RDX: variants seen among roughly 807,000 people sequenced by gnomAD.
RDX encodes radixin.
A neutral mutation model predicts 83.7 loss-of-function variants in RDX; 32 were observed. The observed-to-expected ratio is 0.38, with a 90% CI of 0.29 to 0.51. The LOEUF is 0.51. Among genes scored for constraint, RDX ranks in the 20% least tolerant of loss-of-function variants. The pLI is 0.87. For missense variants in RDX, 600 were observed against 689.9 expected, an observed-to-expected ratio of 0.87 and a Z score of 1.46; for synonymous variants, 229 against 222.7, an observed-to-expected ratio of 1.03 and a Z score of -0.25.
intron 10 of RDX, among the ~76,000 whole-genome samples, chr11:110,239,841 T>TTAAA (rs1355828056): frequency 7.4e-6 from 1 of 134,610 alleles, no homozygotes. Flanking sequence ...ACTCTGTTTT[T>TTAAA]AAAAAAAAAA....
At chr11:110,253,807 GATA>G in intron 9 of RDX, 136 bp downstream of exon 9, 1 of 758,312 alleles carries the variant, frequency 1.3e-6, no homozygotes, top group South Asian at 1.6e-5. Flanking sequence ...AGGACAGAGT[GATA>G]ATACTGTCTT....
At chr11:110,273,287 T>A (rs913985995) in intron 2 of RDX, among the ~76,000 whole-genome samples, 1 of 152,244 alleles carries the variant, frequency 6.6e-6, no homozygotes, top group Non-Finnish European at 1.5e-5. Context: ...TTGAATGTGA[T>A]TCACTATCCC....
Position 110,231,782 on chromosome 11 carries a change from G to T in RDX, c.*87C>A. On this transcript the variant is annotated 3_prime_UTR_variant, in exon 14 of 14. Transcript: ENST00000645495. ...ACTGGTGTAAGTGCTTTGGCAAGGT[G>T]GGATGCATTCCATCATATCTGCAAA... 1 of 1,437,862 alleles carries T rather than the reference G, an allele frequency of 7.0e-7. No individual in the cohort carries two copies. The highest frequency in any genetic ancestry group is 9.7e-7 in the Non-Finnish European group (1 of 1,027,900). The allele number at this position is 1,437,862 out of a possible 1,614,324, so 89.1% of individuals were successfully genotyped here.
At chr11:110,206,505 AAC>A (rs1431658080) in intron 14 of RDX, among the ~76,000 whole-genome samples, 1 of 152,338 alleles carries the variant, frequency 6.6e-6, no homozygotes, top group East Asian at 1.9e-4. Flanking sequence ...TGTAGATACA[AAC>A]ACAGATAGTA....
intron 5 of RDX, among the ~76,000 whole-genome samples, chr11:110,259,239 A>C (rs1859698571): frequency 6.6e-6 from 1 of 152,124 alleles, no homozygotes; most frequent in South Asian, 2.1e-4. Flanking sequence ...CGCCCAGCCA[A>C]ATACAAACAT....
chr11:110,279,697 T>C lies in RDX; in HGVS notation c.-5A>G, dbSNP rs1180797763. On this transcript the variant is annotated 5_prime_UTR_variant, in exon 2 of 14. Coordinates refer to ENST00000645495, the MANE Select transcript of RDX (RefSeq NM_002906.4). ...TACACTTACTGGTTTCGGCATTTTCTTTCTCTTTTTGTTACCTTCTTTAAA... is the reference window on the plus strand; with the variant it reads ...TACACTTACTGGTTTCGGCATTTTCCTTCTCTTTTTGTTACCTTCTTTAAA... The C allele has an allele frequency of 4.6e-6, 7 of 1,527,074 alleles. No homozygotes were observed. The highest frequency in any genetic ancestry group is 1.7e-5 in the Admixed American group (1 of 59,812). 94.6% of individuals were successfully genotyped at this position (1,527,074 alleles called of 1,614,324 possible). A position where few individuals can be genotyped will look rare whatever the true frequency, so the allele number is the denominator to read the frequency against.
intron 5 of RDX, 130 bp from the exon 6 acceptor site, chr11:110,258,319 T>C: frequency 3.1e-6 from 2 of 644,686 alleles, no homozygotes; most frequent in South Asian, 2.0e-5. Flanking sequence ...ATGATGAAAT[T>C]GCATAGAACT....
chr11:110,207,193 C>T (rs997090028), intron 14 of RDX, among the ~76,000 whole-genome samples: 2 of 152,062 alleles, frequency 1.3e-5, no homozygotes, highest in African/African-American at 2.4e-5. Flanking sequence ...AGGCTGGTCT[C>T]GAACTCCTGG....
At chr11:110,186,217 G>C (rs1390884847) in intron 15 of RDX, among the ~76,000 whole-genome samples, 1 of 152,268 alleles carries the variant, frequency 6.6e-6, no homozygotes, top group East Asian at 1.9e-4. Context: ...TGAGACTTCA[G>C]CTTCCCATCA....
At chr11:110,180,675 C>T (rs1862869233) in intron 15 of RDX, among the ~76,000 whole-genome samples, 1 of 147,550 alleles carries the variant, frequency 6.8e-6, no homozygotes, top group South Asian at 2.1e-4. Context: ...TTTTTTGAGA[C>T]AGTCTCGCTC....
intron 9 of RDX, among the ~76,000 whole-genome samples, chr11:110,249,360 C>T (rs769382188): frequency 2.0e-5 from 3 of 152,108 alleles, no homozygotes; most frequent in Non-Finnish European, 2.9e-5. Context: ...AAAAGTTTTG[C>T]TATCAAAAAT....
At chr11:110,243,089 C>T (rs774203769) in intron 10 of RDX, among the ~76,000 whole-genome samples, 2 of 152,078 alleles carry the variant, frequency 1.3e-5, no homozygotes, top group African/African-American at 2.4e-5. Flanking sequence ...CAAATTACTC[C>T]AAAATCCTAA....
intron 2 of RDX, chr11:110,273,150 C>T: frequency 2.2e-6 from 1 of 451,864 alleles, no homozygotes; most frequent in Non-Finnish European, 4.4e-6. Flanking sequence ...AGTTTGAGGG[C>T]TGCCGTGAGC....
At chr11:110,212,320 A>C (rs1863867608) in intron 14 of RDX, among the ~76,000 whole-genome samples, 1 of 148,252 alleles carries the variant, frequency 6.7e-6, no homozygotes, top group Admixed American at 6.7e-5. Context: ...CAATAACAGG[A>C]GCTGAAATTG....
chr11:110,192,931 G>A (rs1031264199), intron 15 of RDX, among the ~76,000 whole-genome samples: 13 of 152,096 alleles, frequency 8.5e-5, no homozygotes, highest in South Asian at 4.1e-4. Context: ...ATATAAATTA[G>A]TTCAGCCACT....
At chr11:110,265,553 A>G (rs1003232707) in intron 3 of RDX, among the ~76,000 whole-genome samples, 1 of 151,632 alleles carries the variant, frequency 6.6e-6, no homozygotes, top group Admixed American at 6.6e-5. Flanking sequence ...ATTTCTATTT[A>G]CCCCCACAAG....
intron 9 of RDX, among the ~76,000 whole-genome samples, chr11:110,253,494 A>C (rs891500497): frequency 6.6e-6 from 1 of 152,046 alleles, no homozygotes; most frequent in Admixed American, 6.6e-5. Context: ...TCTAAGAGAA[A>C]CAGAGTTAAA....
At chr11:110,207,987 ATTTTTTT>A (rs10709047) in intron 14 of RDX, among the ~76,000 whole-genome samples, 1 of 147,464 alleles carries the variant, frequency 6.8e-6, no homozygotes, top group African/African-American at 2.5e-5. Flanking sequence ...GTTGAATCAG[ATTTTTTT>A]TTTTTTTTTA....
intron 15 of RDX, chr11:110,195,424 C>T (rs1229175319): frequency 6.6e-6 from 1 of 152,230 alleles, no homozygotes; most frequent in East Asian, 1.9e-4. Flanking sequence ...GAACTCTCCT[C>T]AACCCTCTTT....
Sources: gnomAD v4.1 joint callset for allele counts (sites outside exome capture counted in the v4.1 genomes callset) on GRCh38, gnomAD v4.1.1 for gene constraint, MANE v1.5 for transcripts, NCBI Gene and HGNC (gene_info 2026-07-23, HGNC 2026-07-21) for gene names.